CDH18: variants seen among roughly 807,000 people sequenced by gnomAD.
CDH18 encodes cadherin 18.
In CDH18, 31 loss-of-function variants were observed where a neutral mutation model predicts 67.9. That is an observed-to-expected ratio of 0.46 (90% CI 0.34 to 0.62). The LOEUF is 0.62. Ranked by LOEUF, CDH18 falls within the 20% of genes least tolerant of loss-of-function variation. The pLI, the probability that CDH18 is intolerant of heterozygous loss-of-function variation, is 0.01. For missense variants in CDH18, 890 were observed against 975.5 expected, an observed-to-expected ratio of 0.91 and a Z score of 1.17; for synonymous variants, 362 against 347.2, an observed-to-expected ratio of 1.04 and a Z score of -0.48.
At chr5:19,945,928 A>G (rs1795240559) in intron 2 of CDH18, among the ~76,000 whole-genome samples, 1 of 152,140 alleles carries the variant, frequency 6.6e-6, no homozygotes, top group Admixed American at 6.5e-5. Context: ...AATAAGGAGA[A>G]AGAATATGAA....
Position 19,612,467 on chromosome 5 carries a change from C to T in CDH18, c.778G>A (p.Asp260Asn). The T allele has an allele frequency of 5.6e-6, 9 of 1,614,048 alleles. No homozygotes were observed. The highest frequency in any genetic ancestry group is 6.8e-6 in the Non-Finnish European group (8 of 1,179,986). The change falls in exon 6 of 13, where the codon GAT becomes AAT. Residue 260 changes from aspartate to asparagine, a missense_variant. Transcript: ENST00000382275. Reference protein sequence around the residue: ...GSTTVNITLTDVNDNPPRFPQ... With the variant: ...GSTTVNITLTNVNDNPPRFPQ... ...AAGCGTGGTGGGTTGTCATTGACAT[C>T]GGTTAAGGTGATGTTGACTGTTGTA...
chr5:19,778,086 T>C (rs934053802), intron 3 of CDH18, among the ~76,000 whole-genome samples: 1 of 152,184 alleles, frequency 6.6e-6, no homozygotes, highest in Admixed American at 6.6e-5. Context: ...AATCAATTTA[T>C]AGTTTAAACT....
intron 1 of CDH18, among the ~76,000 whole-genome samples, chr5:20,465,664 T>A (rs1416337343): frequency 6.6e-6 from 1 of 152,050 alleles, no homozygotes; most frequent in Non-Finnish European, 1.5e-5. Flanking sequence ...ATTGTTGTGC[T>A]GACCGACATA....
At chr5:20,199,578 T>C (rs924115283) in intron 2 of CDH18, among the ~76,000 whole-genome samples, 1 of 152,142 alleles carries the variant, frequency 6.6e-6, no homozygotes, top group Non-Finnish European at 1.5e-5. Context: ...CTGGGATTTT[T>C]GGTTAATTCT....
At chr5:19,486,673 A>G (rs1395855332) in intron 11 of CDH18, among the ~76,000 whole-genome samples, 1 of 152,034 alleles carries the variant, frequency 6.6e-6, no homozygotes, top group Non-Finnish European at 1.5e-5. Flanking sequence ...GGCGCCTATA[A>G]TCTCAGCTAC....
chr5:19,970,495 A>T (rs908002526), intron 2 of CDH18, among the ~76,000 whole-genome samples: 2 of 151,584 alleles, frequency 1.3e-5, no homozygotes, highest in Middle Eastern at 3.4e-3. Flanking sequence ...AAATTTTAAA[A>T]TATAGTTAGG....
At chr5:20,357,011 A>G (rs1741687671) in intron 1 of CDH18, among the ~76,000 whole-genome samples, 1 of 151,554 alleles carries the variant, frequency 6.6e-6, no homozygotes, top group South Asian at 2.1e-4. Context: ...ATATGCAGTA[A>G]TAACTGTAAG....
chr5:19,575,767 G>A (rs542080907), intron 7 of CDH18, among the ~76,000 whole-genome samples: 2 of 152,278 alleles, frequency 1.3e-5, no homozygotes, highest in African/African-American at 4.8e-5. Context: ...AAGTCACTAA[G>A]TCAGAAATGT....
At chr5:19,485,417 G>A (rs1740226635) in intron 11 of CDH18, among the ~76,000 whole-genome samples, 1 of 151,944 alleles carries the variant, frequency 6.6e-6, no homozygotes, top group Non-Finnish European at 1.5e-5. Flanking sequence ...CAACATGCCT[G>A]GCTAATTTTT....
chr5:20,188,256 T>A (rs1426273339), intron 2 of CDH18, among the ~76,000 whole-genome samples: 4 of 152,038 alleles, frequency 2.6e-5, no homozygotes, highest in Non-Finnish European at 5.9e-5. Flanking sequence ...TTAAGAAACC[T>A]CATGTTGAAG....
intron 3 of CDH18, among the ~76,000 whole-genome samples, chr5:19,779,104 C>CATGAGGTAG (rs1320132628): frequency 7.2e-5 from 11 of 151,976 alleles, no homozygotes; most frequent in Non-Finnish European, 1.3e-4. Context: ...TATATTAATA[C>CATGAGGTAG]ATGAGGTAGA....
chr5:20,427,362 T>C (rs1225760051), intron 1 of CDH18, among the ~76,000 whole-genome samples: 2 of 151,290 alleles, frequency 1.3e-5, no homozygotes, highest in East Asian at 3.8e-4. Flanking sequence ...CCAGGGCTAA[T>C]AGAATAAACA....
intron 1 of CDH18, among the ~76,000 whole-genome samples, chr5:20,353,389 C>T (rs904830632): frequency 3.9e-5 from 6 of 152,108 alleles, no homozygotes; most frequent in African/African-American, 1.4e-4. Flanking sequence ...TGTTATGCAC[C>T]ACTTCCTGTG....
intron 5 of CDH18, among the ~76,000 whole-genome samples, chr5:19,683,167 A>G (rs909136424): frequency 1.3e-5 from 2 of 151,954 alleles, no homozygotes; most frequent in African/African-American, 4.8e-5. Flanking sequence ...GCAAGTGATC[A>G]ACAGACCTCT....
intron 5 of CDH18, among the ~76,000 whole-genome samples, chr5:19,711,338 T>C (rs780590425): frequency 1.6e-4 from 25 of 151,992 alleles, no homozygotes; most frequent in Non-Finnish European, 3.1e-4. Context: ...TTGCAAACTA[T>C]GCATCTGACA....
intron 2 of CDH18, among the ~76,000 whole-genome samples, chr5:20,150,750 G>A (rs910067251): frequency 6.6e-6 from 1 of 151,892 alleles, no homozygotes; most frequent in African/African-American, 2.4e-5. Context: ...TTTTTCTATG[G>A]AGACTCTTAA....
intron 2 of CDH18, among the ~76,000 whole-genome samples, chr5:20,041,723 A>T (rs1303793622): frequency 6.6e-6 from 1 of 152,360 alleles, no homozygotes; most frequent in African/African-American, 2.4e-5. Flanking sequence ...TCTTTTAAAC[A>T]GCAAATATTT....
At chr5:20,499,191 G>A (rs888497117) in intron 1 of CDH18, among the ~76,000 whole-genome samples, 4 of 151,818 alleles carry the variant, frequency 2.6e-5, no homozygotes, top group Admixed American at 2.0e-4. Context: ...CCATGGATAC[G>A]AAAATCCACA....
At chr5:20,559,488 T>C (rs1451696527) in intron 1 of CDH18, among the ~76,000 whole-genome samples, 1 of 152,138 alleles carries the variant, frequency 6.6e-6, no homozygotes, top group Admixed American at 6.6e-5. Context: ...AATGTAGCAC[T>C]TGTTTTAGAC....
Sources: allele counts gnomAD v4.1 joint callset (sites outside exome capture counted in the v4.1 genomes callset), GRCh38; gene constraint gnomAD v4.1.1; transcripts MANE v1.5; gene names NCBI Gene and HGNC (gene_info 2026-07-23, HGNC 2026-07-21).